The following FAM171A2 variants were observed in gnomAD, a reference collection of about 807,000 sequenced individuals.
FAM171A2 encodes the protein protein FAM171A2.
In FAM171A2, 13 loss-of-function variants were observed where a neutral mutation model predicts 34.2. That is an observed-to-expected ratio of 0.38 (90% CI 0.25 to 0.60). The LOEUF (loss-of-function observed/expected upper bound fraction) is 0.60, where lower values mean the gene tolerates loss of function less well. FAM171A2 is among the 20% of genes least tolerant of loss of function. The pLI is 0.62. For synonymous variants in FAM171A2, 475 were observed against 561.2 expected (o/e 0.85, Z 2.17); for missense variants, 950 against 1,180.7 (o/e 0.80, Z 2.86).
In FAM171A2 at chr17:44,356,014, G is replaced by A. The variant is rs572125432; in HGVS notation, c.839C>T (p.Thr280Ile). ...GTACCCCAGCTGGGGGGAGACGAAG[G>A]TCCAGTAGAGCTGCCGGCCTTCCTT... Reference protein sequence around the residue: ...IRKEGRQLYWTFVSPQLGYWV... With the variant: ...IRKEGRQLYWIFVSPQLGYWV... The change falls in exon 6 of 8, where the codon ACC (threonine) becomes ATC (isoleucine). Residue 280 changes from threonine (T) to isoleucine (I), a missense_variant. Physicochemically the swap from Thr to Ile is moderately conservative, Grantham distance 89. Around this residue, in one of 3 missense-constraint regions of FAM171A2, gnomAD observed 752 missense variants for 924.5 expected, o/e 0.81. Coordinates refer to ENST00000293443, the MANE Select transcript of FAM171A2 (RefSeq NM_198475.3). 4 of 1,548,516 alleles carry A rather than the reference G, an allele frequency of 2.6e-6. No homozygotes were observed. Among genetic ancestry groups the A allele is most frequent in the African/African-American group, 2.7e-5 (2 of 73,138 alleles).
In FAM171A2 at chr17:44,354,411, G is replaced by GCCGCCGCCC. The variant is rs2048409236; in HGVS notation, c.1794_1802dup (p.Gly599_Gly601dup). The GCCGCCGCCC allele has an allele frequency of 6.8e-6, 8 of 1,181,404 alleles. No homozygotes were observed. The highest frequency in any genetic ancestry group is 8.0e-5 in the East Asian group (2 of 24,958). The allele number at this position is 1,181,404 out of a possible 1,614,324, so 73.2% of individuals were successfully genotyped here. On this transcript the variant is annotated inframe_insertion, in exon 8 of 8. Coordinates refer to ENST00000293443, the MANE Select transcript of FAM171A2 (RefSeq NM_198475.3). This position sits in a 1 kb window ranked among gnomAD's most constrained non-coding sequence, Gnocchi z 5.8. ...CCGCGCGCCCGGCCCCCCAGCCCTCGCCGCCGCCCCCGCCGCCCTCGCCCC... is the reference window on the plus strand; with the variant it reads ...CCGCGCGCCCGGCCCCCCAGCCCTCGCCGCCGCCCCCGCCGCCCCCGCCGCCCTCGCCCC...
intron 1 of FAM171A2, among the ~76,000 whole-genome samples, chr17:44,361,005 C>G (rs1347568107): frequency 6.6e-6 from 1 of 152,220 alleles, no homozygotes; most frequent in Non-Finnish European, 1.5e-5. Context: ...AGGCAGGGAG[C>G]TGGGGCCCTG....
intron 1 of FAM171A2, among the ~76,000 whole-genome samples, chr17:44,360,709 G>A (rs138310748): frequency 6.6e-6 from 1 of 152,150 alleles, no homozygotes; most frequent in Non-Finnish European, 1.5e-5. Flanking sequence ...GAGGAGAAGG[G>A]TCAAGATTCA....
rs1446545748 is a variant in FAM171A2, at chr17:44,363,804, C to G, written c.-90G>C. 1.8e-6 allele frequency: 1 copy of G among 541,014 alleles called. No individual in the cohort carries two copies. The highest frequency in any genetic ancestry group is 2.0e-5 in the African/African-American group (1 of 49,658). 33.5% of individuals were successfully genotyped at this position (541,014 alleles called of 1,614,324 possible). On this transcript the variant is annotated 5_prime_UTR_variant, in exon 1 of 8. Transcript: ENST00000293443. ...GCAGCCCCAGCTCTGCGCCGCGCCT[C>G]GCAGCTCCGGCTCCCGCTCCCGCTG...
chr17:44,357,368 G>A (rs1361305118), intron 3 of FAM171A2, among the ~76,000 whole-genome samples: 1 of 150,084 alleles, frequency 6.7e-6, no homozygotes, highest in African/African-American at 2.5e-5. Context: ...AAAAAAAAAG[G>A]CCGAGCGCGG....
chr17:44,353,912 G>A lies in FAM171A2; in HGVS notation c.2302C>T (p.Arg768Trp), dbSNP rs1364610794. The change falls in exon 8 of 8, where the codon CGG becomes TGG. Residue 768 changes from arginine (R) to tryptophan (W), a missense_variant. Arg to Trp is a moderately radical substitution (Grantham distance 101). Around this residue, in one of 3 missense-constraint regions of FAM171A2, gnomAD observed 191 missense variants for 222.8 expected, o/e 0.86. Coordinates refer to ENST00000293443, the MANE Select transcript of FAM171A2 (RefSeq NM_198475.3). ...APEGRAATVPRGRGRSRGDSS... is the reference protein window; with the variant it reads ...APEGRAATVPWGRGRSRGDSS... ...TCCCCGCGGCTGCGGCCCCGCCCCCGGGGTACCGTGGCCGCCCGGCCCTCG... is the reference window on the plus strand; with the variant it reads ...TCCCCGCGGCTGCGGCCCCGCCCCCAGGGTACCGTGGCCGCCCGGCCCTCG... 1 of 1,296,352 alleles carries A rather than the reference G, an allele frequency of 7.7e-7. No individual in the cohort carries two copies. Among genetic ancestry groups the A allele is most frequent in the Non-Finnish European group, 9.7e-7 (1 of 1,028,474 alleles). 80.3% of individuals were successfully genotyped at this position (1,296,352 alleles called of 1,614,324 possible).
intron 3 of FAM171A2, among the ~76,000 whole-genome samples, chr17:44,357,511 G>T (rs1284340606): frequency 6.6e-6 from 1 of 151,978 alleles, no homozygotes; most frequent in Non-Finnish European, 1.5e-5. Context: ...GCCAGGTGCG[G>T]TGGCAGGCGC....
rs1273561546 is a variant in FAM171A2, at chr17:44,354,613, C to T, written c.1601G>A (p.Arg534His). 1.3e-5 allele frequency: 17 copies of T among 1,262,996 alleles called. No homozygotes were observed. The highest frequency in any genetic ancestry group is 4.2e-5 in the Admixed American group (1 of 23,814). The allele number at this position is 1,262,996 out of a possible 1,614,324, so 78.2% of individuals were successfully genotyped here. A position where few individuals can be genotyped will look rare whatever the true frequency, so the allele number is the denominator to read the frequency against. Reference protein sequence around the residue: ...SIDHLKDNVYRNVMPTLVIPA... With the variant: ...SIDHLKDNVYHNVMPTLVIPA... ...GATCACCAGGGTGGGCATGACGTTG[C>T]GGTAGACGTTGTCCTTGAGGTGGTC... Residue 534 changes from arginine (R) to histidine (H), a missense_variant, in exon 8 of 8, where the codon CGC becomes CAC. Physicochemically the swap from Arg to His is conservative, Grantham distance 29 (BLOSUM62 0). Coordinates refer to ENST00000293443, the MANE Select transcript of FAM171A2 (RefSeq NM_198475.3). The surrounding 1 kb of genome is among the most constrained non-coding windows in gnomAD (Gnocchi z 5.8).
chr17:44,362,969 C>T (rs529273128), intron 1 of FAM171A2, among the ~76,000 whole-genome samples: 3 of 152,312 alleles, frequency 2.0e-5, no homozygotes, highest in Admixed American at 6.5e-5. Flanking sequence ...AACTGCGGCT[C>T]GTCCTCCATC....
At chr17:44,362,273 G>C (rs1466303821) in intron 1 of FAM171A2, among the ~76,000 whole-genome samples, 1 of 152,062 alleles carries the variant, frequency 6.6e-6, no homozygotes, top group African/African-American at 2.4e-5. Context: ...AAGAAACTAG[G>C]GCTTCTTCCT....
Position 44,354,290 on chromosome 17 carries a change from GCTT to G in FAM171A2, c.1921_1923del (p.Lys641del). 8 of 1,454,748 alleles carry G rather than the reference GCTT, an allele frequency of 5.5e-6. No homozygotes were observed. Among genetic ancestry groups the G allele is most frequent in the Non-Finnish European group, 7.3e-6 (8 of 1,096,314 alleles). The allele number at this position is 1,454,748 out of a possible 1,614,324, so 90.1% of individuals were successfully genotyped here. ...TGCGGCTTCACGCCCAGTTCCAGCAGCTTCTTCTCGGTCAGGGCCTGCAGCTCC... is the reference window on the plus strand; with the variant it reads ...TGCGGCTTCACGCCCAGTTCCAGCAGCTTCTCGGTCAGGGCCTGCAGCTCC... On this transcript the variant is annotated inframe_deletion, in exon 8 of 8. Transcript: ENST00000293443. This position sits in a 1 kb window ranked among gnomAD's most constrained non-coding sequence, Gnocchi z 5.8.
In FAM171A2 at chr17:44,359,639, C is replaced by T; in HGVS notation, c.379G>A (p.Glu127Lys). The change falls in exon 3 of 8, where the codon GAG becomes AAG. Residue 127 changes from glutamate to lysine, a missense_variant. Glu to Lys is a moderately conservative substitution (Grantham distance 56). Coordinates refer to ENST00000293443, the MANE Select transcript of FAM171A2 (RefSeq NM_198475.3). ...TAGAGGATGAGCGTGGCCGGCCGCTCAGGGAGCAGGTAGAGGCTGACAGAC... is the reference window on the plus strand; with the variant it reads ...TAGAGGATGAGCGTGGCCGGCCGCTTAGGGAGCAGGTAGAGGCTGACAGAC... ...YASVSLYLLP[E>K]RPATLILYED... 1 of 1,550,946 alleles carries T rather than the reference C, an allele frequency of 6.4e-7. No individual in the cohort carries two copies. The highest frequency in any genetic ancestry group is 8.7e-7 in the Non-Finnish European group (1 of 1,146,932).
At position 44,354,599 on chromosome 17, in the gene FAM171A2, TG is replaced by T; in HGVS notation, c.1614del (p.Thr539ProfsTer3). ...LKDNVYRNVM[P>X]TLVIPAHYVR... Reference sequence around the variant, plus strand: ...ACGTAGTGCGCGGGGATCACCAGGGTGGGCATGACGTTGCGGTAGACGTTGT... The same window carrying T: ...ACGTAGTGCGCGGGGATCACCAGGGTGGCATGACGTTGCGGTAGACGTTGT... On this transcript the variant is annotated frameshift_variant, in exon 8 of 8. Transcript: ENST00000293443. LOFTEE classifies it low-confidence loss of function (END_TRUNC). The surrounding 1 kb of genome is among the most constrained non-coding windows in gnomAD (Gnocchi z 5.8). 8.0e-7 allele frequency: 1 copy of T among 1,245,430 alleles called. No homozygotes were observed. The allele number at this position is 1,245,430 out of a possible 1,614,324, so 77.1% of individuals were successfully genotyped here. A position where few individuals can be genotyped will look rare whatever the true frequency, so the allele number is the denominator to read the frequency against.
intron 3 of FAM171A2, among the ~76,000 whole-genome samples, chr17:44,358,699 A>G (rs992702104): frequency 7.9e-5 from 12 of 152,054 alleles, no homozygotes; most frequent in Admixed American, 7.2e-4. Flanking sequence ...AAAAAACCCA[A>G]CAACAACAAC....
Position 44,353,762 on chromosome 17 carries a change from G to GCTCCTCCCGCCGCTGCCA in FAM171A2, c.2434_2451dup (p.Trp812_Glu817dup). Reference sequence around the variant, plus strand: ...TTGACGTTGAACACCATCAGCGGCCGCTCCTCCCGCCGCTGCCACGGGCTC... The same window carrying GCTCCTCCCGCCGCTGCCA: ...TTGACGTTGAACACCATCAGCGGCCGCTCCTCCCGCCGCTGCCACTCCTCCCGCCGCTGCCACGGGCTC... On this transcript the variant is annotated inframe_insertion, in exon 8 of 8. Coordinates refer to ENST00000293443, the MANE Select transcript of FAM171A2 (RefSeq NM_198475.3). 1 of 1,431,298 alleles carries GCTCCTCCCGCCGCTGCCA rather than the reference G, an allele frequency of 7.0e-7. No homozygotes were observed. The highest frequency in any genetic ancestry group is 9.2e-7 in the Non-Finnish European group (1 of 1,092,586). 88.7% of individuals were successfully genotyped at this position (1,431,298 alleles called of 1,614,324 possible).
chr17:44,357,378 G>A (rs2048429188), intron 3 of FAM171A2, among the ~76,000 whole-genome samples: 1 of 151,748 alleles, frequency 6.6e-6, no homozygotes, highest in South Asian at 2.1e-4. Context: ...GCCGAGCGCG[G>A]TGGCTCACGC....
rs1220493026 is a variant in FAM171A2 at position 44,353,785 on chromosome 17, CTCT to C, written c.2426_2428del (p.Lys809del). The C allele has an allele frequency of 7.0e-7, 1 of 1,437,036 alleles. No individual in the cohort carries two copies. The highest frequency in any genetic ancestry group is 9.1e-7 in the Non-Finnish European group (1 of 1,096,448). The allele number at this position is 1,437,036 out of a possible 1,614,324, so 89.0% of individuals were successfully genotyped here. On this transcript the variant is annotated inframe_deletion, in exon 8 of 8. Transcript: ENST00000293443. ...CCGCTCCTCCCGCCGCTGCCACGGG[CTCT>C]TCTTGTCTCCCGCCTCGTCGCCCAC...
chr17:44,363,834 G>A lies in FAM171A2; in HGVS notation c.-120C>T, dbSNP rs1165036053. The A allele has an allele frequency of 2.7e-6, 1 of 373,926 alleles. No homozygotes were observed. Among genetic ancestry groups the A allele is most frequent in the Non-Finnish European group, 4.2e-6 (1 of 236,544 alleles). The allele number at this position is 373,926 out of a possible 1,614,324, so 23.2% of individuals were successfully genotyped here. The stretch of plus-strand genomic sequence containing the variant: ...CTCCGGCTCCCGCTCCCGCTGCGGC[G>A]CCCGCTCAGCGCGATTGTCTCCGAC... On this transcript the variant is annotated 5_prime_UTR_variant, in exon 1 of 8. Coordinates refer to ENST00000293443, the MANE Select transcript of FAM171A2 (RefSeq NM_198475.3).
intron 1 of FAM171A2, among the ~76,000 whole-genome samples, chr17:44,362,376 A>G (rs2143388681): frequency 6.6e-6 from 1 of 152,112 alleles, no homozygotes; most frequent in South Asian, 2.1e-4. Flanking sequence ...GACATTCCAT[A>G]TAGTATCCAC....
Sources: allele counts gnomAD v4.1 joint callset (sites outside exome capture counted in the v4.1 genomes callset), GRCh38; gene constraint gnomAD v4.1.1; regional missense constraint gnomAD v4.1.1; non-coding constraint Gnocchi (gnomAD v3.1); transcripts MANE v1.5; gene names NCBI Gene and HGNC (gene_info 2026-07-23, HGNC 2026-07-21).